TFAP2A: variants seen among roughly 807,000 people sequenced by gnomAD.
TFAP2A encodes the protein transcription factor AP-2-alpha.
A neutral mutation model predicts 41.5 loss-of-function variants in TFAP2A; 7 were observed. That is an observed-to-expected ratio of 0.17 (90% CI 0.10 to 0.32). TFAP2A has a LOEUF of 0.32. TFAP2A is among the 10% of genes least tolerant of loss of function. The pLI, the probability that TFAP2A is intolerant of heterozygous loss-of-function variation, is 1.00. For missense variants in TFAP2A, 416 were observed against 563.3 expected (o/e 0.74, Z 2.65); for synonymous variants, 247 against 242.8 (o/e 1.02, Z -0.16).
chr6:10,415,290 T>C, upstream of TFAP2A: 1 of 1,395,322 alleles, frequency 7.2e-7, no homozygotes, highest in South Asian at 1.5e-5. Context: ...TTTCCAGCTC[T>C]TTACCAACAG....
upstream of TFAP2A, chr6:10,419,614 G>T: frequency 1.2e-6 from 1 of 819,696 alleles, no homozygotes; most frequent in Admixed American, 2.1e-5. Context: ...ACGCATGCGC[G>T]CTGGCCCAGG....
At chr6:10,413,630 AC>A (rs948341954) in intron 1 of TFAP2A, among the ~76,000 whole-genome samples, 3 of 151,272 alleles carry the variant, frequency 2.0e-5, no homozygotes, top group Non-Finnish European at 4.4e-5. Flanking sequence ...GCGCGACAGG[AC>A]CCCCCCAGGG....
At chr6:10,407,970 G>A (rs555204766) in intron 2 of TFAP2A, 1 of 152,166 alleles carries the variant, frequency 6.6e-6, no homozygotes, top group South Asian at 2.1e-4. Context: ...AACTATATGG[G>A]GAAATATGAT....
At chr6:10,414,887 G>A in intron 1 of TFAP2A, 54 bp downstream of exon 1, 1 of 1,611,646 alleles carries the variant, frequency 6.2e-7, no homozygotes, top group African/African-American at 1.3e-5. Flanking sequence ...GGAGAGGGAG[G>A]GTCAAGCTCG....
At chr6:10,404,428 G>A in intron 4 of TFAP2A, 80 bp downstream of exon 4, 1 of 1,093,936 alleles carries the variant, frequency 9.1e-7, no homozygotes, top group Non-Finnish European at 1.2e-6. Context: ...GCCTGTTTGC[G>A]TCGCCGCCAC....
chr6:10,409,856 G>C, intron 2 of TFAP2A, 45 bp downstream of exon 2: 1 of 1,543,744 alleles, frequency 6.5e-7, no homozygotes, highest in South Asian at 1.2e-5. Context: ...GGGTAGGTAA[G>C]TAGGGGGCTG....
rs781698007 is a variant in TFAP2A at position 10,398,373 on chromosome 6, G to A, written c.*44C>T. The A allele has an allele frequency of 1.2e-6, 2 of 1,610,630 alleles. No individual in the cohort carries two copies. Among genetic ancestry groups the A allele is most frequent in the African/African-American group, 1.3e-5 (1 of 74,846 alleles). ...GTCACCCGCCGGAGGGTGGGCGCGC[G>A]GGGGGCTGGTGAGGCGTGGGAGGGG... On this transcript the variant is annotated 3_prime_UTR_variant, in exon 7 of 7. Transcript: ENST00000379613. This position sits in a 1 kb window ranked among gnomAD's most constrained non-coding sequence, Gnocchi z 5.3.
chr6:10,411,809 G>C (rs1757984866), intron 1 of TFAP2A: 1 of 1,438,464 alleles, frequency 7.0e-7, no homozygotes, highest in Non-Finnish European at 9.1e-7. Context: ...GGCGCCTTCA[G>C]CTGGTCGAAC....
rs544361557 is a variant in TFAP2A, at chr6:10,397,914, C to CTTTTTTTTTT, written c.*493_*502dup. The CTTTTTTTTTT allele has an allele frequency of 3.3e-6, 2 of 601,612 alleles. No homozygotes were observed. The highest frequency in any genetic ancestry group is 2.0e-6 in the Non-Finnish European group (1 of 492,458). 37.3% of individuals were successfully genotyped at this position (601,612 alleles called of 1,614,324 possible). A position where few individuals can be genotyped will look rare whatever the true frequency, so the allele number is the denominator to read the frequency against. On this transcript the variant is annotated 3_prime_UTR_variant, in exon 7 of 7. Transcript: ENST00000379613. ...TAAAAATGTTGTCATCATCTTTTGGCTTTTTTTTTTTTTTTAAGTATGGCT... is the reference window on the plus strand; with the variant it reads ...TAAAAATGTTGTCATCATCTTTTGGCTTTTTTTTTTTTTTTTTTTTTTTTTAAGTATGGCT...
chr6:10,418,649 G>T (rs1056024569), upstream of TFAP2A: 2 of 152,340 alleles, frequency 1.3e-5, no homozygotes, highest in Non-Finnish European at 2.9e-5. Context: ...AGGAAGGACA[G>T]GAGCCAAGCC....
At chr6:10,404,393 C>G (rs1224998352) in intron 4 of TFAP2A, 115 bp downstream of exon 4, 1 of 693,836 alleles carries the variant, frequency 1.4e-6, no homozygotes, top group East Asian at 3.6e-5. Flanking sequence ...TTTCCTTTCC[C>G]GCGTAGGGAG....
intron 1 of TFAP2A, chr6:10,412,569 G>A (rs909789323): frequency 3.8e-5 from 7 of 183,202 alleles, no homozygotes; most frequent in Admixed American, 1.9e-4. Context: ...GGAAGCGAGC[G>A]AGGACAATCA....
At chr6:10,402,371 A>G (rs1762041237) in intron 5 of TFAP2A, 121 bp downstream of exon 5, 1 of 806,790 alleles carries the variant, frequency 1.2e-6, no homozygotes, top group Non-Finnish European at 2.2e-6. Flanking sequence ...ACATCTGGCT[A>G]TATTCTCTGC....
In TFAP2A at chr6:10,397,688, A is replaced by C; in HGVS notation, c.*729T>G. On this transcript the variant is annotated 3_prime_UTR_variant, in exon 7 of 7. Coordinates refer to ENST00000379613, the MANE Select transcript of TFAP2A (RefSeq NM_001372066.1). ...AAAAAAAAAGGCTTAAAACAGACTC[A>C]CCATATTTACAATTCCCATTAAATT... 1 of 237,372 alleles carries C rather than the reference A, an allele frequency of 4.2e-6. No individual in the cohort carries two copies. The highest frequency in any genetic ancestry group is 6.9e-6 in the Non-Finnish European group (1 of 145,758). 14.7% of individuals were successfully genotyped at this position (237,372 alleles called of 1,614,324 possible). A position where few individuals can be genotyped will look rare whatever the true frequency, so the allele number is the denominator to read the frequency against.
chr6:10,410,619 A>G (rs1757921558), intron 1 of TFAP2A, among the ~76,000 whole-genome samples: 1 of 152,194 alleles, frequency 6.6e-6, no homozygotes, highest in African/African-American at 2.4e-5. Context: ...CAGCCCATTA[A>G]ACTGCAGCGT....
intron 3 of TFAP2A, 188 bp from the exon 4 acceptor site, chr6:10,404,927 T>G (rs917178592): frequency 1.6e-5 from 10 of 614,708 alleles, no homozygotes; most frequent in African/African-American, 1.3e-4. Flanking sequence ...CTTCCCTACC[T>G]CACCCGGCGG....
intron 1 of TFAP2A, among the ~76,000 whole-genome samples, chr6:10,414,117 C>G (rs1758133162): frequency 6.6e-6 from 1 of 152,220 alleles, no homozygotes; most frequent in Non-Finnish European, 1.5e-5. Context: ...AGCGGGCTTG[C>G]GGCACCAGAG....
At chr6:10,417,970 A>C (rs1428032189), upstream of TFAP2A, among the ~76,000 whole-genome samples, 1 of 152,206 alleles carries the variant, frequency 6.6e-6, no homozygotes, top group Non-Finnish European at 1.5e-5. Context: ...AGCGAAATTC[A>C]CTGGAATTTG....
intron 1 of TFAP2A, chr6:10,414,660 C>T (rs1050601642): frequency 7.9e-5 from 46 of 580,122 alleles, no homozygotes; most frequent in Middle Eastern, 9.4e-4. Context: ...AGCCCATGTT[C>T]TTCTTTTCCC....
Sources: gnomAD v4.1 joint callset for allele counts (sites outside exome capture counted in the v4.1 genomes callset) on GRCh38, gnomAD v4.1.1 for gene constraint, Gnocchi (gnomAD v3.1) non-coding constraint, MANE v1.5 for transcripts, NCBI Gene and HGNC (gene_info 2026-07-23, HGNC 2026-07-21) for gene names.